Variants in WDR93 observed in about 807,000 individuals in gnomAD.
The protein encoded by WDR93 is WD repeat-containing protein 93.
A neutral mutation model predicts 82.9 loss-of-function variants in WDR93; 73 were observed. That is an observed-to-expected ratio of 0.88 (90% CI 0.73 to 1.07). The LOEUF is 1.07. Ranked by LOEUF, WDR93 falls within the 50% of genes least tolerant of loss-of-function variation. The pLI is 0.00. For synonymous variants in WDR93, 283 were observed against 300.1 expected (o/e 0.94, Z 0.59); for missense variants, 738 against 826.0 (o/e 0.89, Z 1.31).
At chr15:89,709,869 A>AT (rs1057400167) in intron 4 of WDR93, among the ~76,000 whole-genome samples, 5 of 152,120 alleles carry the variant, frequency 3.3e-5, no homozygotes, top group Admixed American at 1.3e-4. Context: ...ATAAAAAAAA[A>AT]AATAATCAAG....
intron 7 of WDR93, among the ~76,000 whole-genome samples, chr15:89,719,201 C>T (rs1375855485): frequency 6.6e-6 from 1 of 152,144 alleles, no homozygotes; most frequent in Non-Finnish European, 1.5e-5. Flanking sequence ...AGTCCTCTCA[C>T]CTCAGCTTCC....
upstream of WDR93, chr15:89,690,514 G>T (rs948870111): frequency 3.3e-4 from 414 of 1,266,964 alleles, 1 homozygote; most frequent in Non-Finnish European, 4.0e-4. Context: ...CGGGTGCAGG[G>T]GAATAGGCAC....
rs1966763142 is a variant in WDR93, at chr15:89,727,013, T to G, written c.881-144T>G. 14 of 904,880 alleles carry G rather than the reference T, an allele frequency of 1.5e-5. No individual in the cohort carries two copies. In the East Asian group the frequency reaches 3.7e-4, roughly 24 times the overall value. The allele number at this position is 904,880 out of a possible 1,614,324, so 56.1% of individuals were successfully genotyped here. A position where few individuals can be genotyped will look rare whatever the true frequency, so the allele number is the denominator to read the frequency against. ...GGTACAGGAGAGGCCGGGAGAAGAC[T>G]GAATACAGACCAATTGCAGAGCAAG... On this transcript the variant is annotated intron_variant, in intron 8 of 16. Transcript: ENST00000268130.
At chr15:89,719,038 C>A (rs747866737) in intron 7 of WDR93, among the ~76,000 whole-genome samples, 4 of 152,078 alleles carry the variant, frequency 2.6e-5, no homozygotes, top group Non-Finnish European at 2.9e-5. Flanking sequence ...TATATATTTT[C>A]TTATAAACTT....
chr15:89,726,201 T>C (rs1966730715), intron 8 of WDR93, among the ~76,000 whole-genome samples: 2 of 152,220 alleles, frequency 1.3e-5, no homozygotes, highest in South Asian at 2.1e-4. Context: ...GATGGAAGGA[T>C]TGCTTGAACC....
rs563275172 is a variant in WDR93, at chr15:89,716,829, G to T, written c.757-82G>T. The T allele has an allele frequency of 5.1e-6, 5 of 980,764 alleles. No homozygotes were observed. The East Asian group carries it at 1.1e-4, about 21-fold the overall frequency. 60.8% of individuals were successfully genotyped at this position (980,764 alleles called of 1,614,324 possible). A position where few individuals can be genotyped will look rare whatever the true frequency, so the allele number is the denominator to read the frequency against. ...CACTCACAAGAGTAATTGAGGGGAA[G>T]AGAGAGCATGCCAGAAGATTAAAGG... is the stretch of plus-strand genomic sequence containing the variant. On this transcript the variant is annotated intron_variant, in intron 6 of 16. Coordinates refer to ENST00000268130, the MANE Select transcript of WDR93 (RefSeq NM_020212.2).
At chr15:89,738,313 T>G in intron 16 of WDR93, 77 bp downstream of exon 16, 1 of 1,457,564 alleles carries the variant, frequency 6.9e-7, no homozygotes, top group African/African-American at 1.4e-5. Flanking sequence ...GTTTCTTTCA[T>G]GGTAAATCCT....
chr15:89,719,442 CCTT>C (rs1670619190), intron 7 of WDR93, among the ~76,000 whole-genome samples: 2 of 152,176 alleles, frequency 1.3e-5, no homozygotes, highest in Non-Finnish European at 2.9e-5. Flanking sequence ...AGCTTTTGTA[CCTT>C]GTGTCTTTCG....
rs757504280 is a variant in WDR93 at position 89,702,050 on chromosome 15, G to T, written c.303+1G>T. On this transcript the variant is annotated splice_donor_variant, in intron 2 of 16. Coordinates refer to ENST00000268130, the MANE Select transcript of WDR93 (RefSeq NM_020212.2). LOFTEE classifies it high-confidence loss of function. ...CTACCCTCCACTTGGAGAAATCCAGGTATGGAGTAAGCAGTTGACCAGGAG... is the reference window on the plus strand; with the variant it reads ...CTACCCTCCACTTGGAGAAATCCAGTTATGGAGTAAGCAGTTGACCAGGAG... 1.2e-6 allele frequency: 2 copies of T among 1,606,070 alleles called. No individual in the cohort carries two copies. Among genetic ancestry groups the T allele is most frequent in the East Asian group, 2.2e-5 (1 of 44,712 alleles).
chr15:89,714,941 C>G (rs2141638512), intron 5 of WDR93, 39 bp from the exon 6 acceptor site: 1 of 1,567,114 alleles, frequency 6.4e-7, no homozygotes, highest in South Asian at 1.1e-5. Context: ...TTGTGGCTCT[C>G]TTACAGTTGC....
chr15:89,743,201 A>C, intron 16 of WDR93, 91 bp from the exon 17 acceptor site: 1 of 1,266,660 alleles, frequency 7.9e-7, no homozygotes, highest in Non-Finnish European at 1.1e-6. Flanking sequence ...AGTTTCTCAT[A>C]GGAGCACAGG....
Position 89,743,464 on chromosome 15 carries a change from C to G in WDR93, c.*73C>G. 6.9e-7 allele frequency: 1 copy of G among 1,446,426 alleles called. No homozygotes were observed. The highest frequency in any genetic ancestry group is 1.4e-5 in the African/African-American group (1 of 71,590). The allele number at this position is 1,446,426 out of a possible 1,614,324, so 89.6% of individuals were successfully genotyped here. ...GCAGCTGCTCCCAGGACACTGAGGC[C>G]AAGAGAAATGTAACAGAGCCACAGC... On this transcript the variant is annotated 3_prime_UTR_variant, in exon 17 of 17. Coordinates refer to ENST00000268130, the MANE Select transcript of WDR93 (RefSeq NM_020212.2).
intron 8 of WDR93, among the ~76,000 whole-genome samples, chr15:89,725,913 T>A (rs1361345758): frequency 6.6e-6 from 1 of 152,206 alleles, no homozygotes; most frequent in Non-Finnish European, 1.5e-5. Flanking sequence ...TGCTTTATAA[T>A]AACTCATTAA....
chr15:89,736,629 A>C (rs536715680), intron 14 of WDR93, among the ~76,000 whole-genome samples: 28 of 152,182 alleles, frequency 1.8e-4, no homozygotes, highest in Admixed American at 1.1e-3. Flanking sequence ...AAGTGAGAGC[A>C]GTGTCCTGTG....
In WDR93 at chr15:89,722,038, C is replaced by A; in HGVS notation, c.796-17C>A. ...CTCTTCTCTTGGCTTATTAACTATG[C>A]CTTTTCCTTGTTTTAGGATGCAAAT... On this transcript the variant is annotated splice_polypyrimidine_tract_variant and intron_variant, in intron 7 of 16. Coordinates refer to ENST00000268130, the MANE Select transcript of WDR93 (RefSeq NM_020212.2). 2 of 1,513,186 alleles carry A rather than the reference C, an allele frequency of 1.3e-6. No individual in the cohort carries two copies. The highest frequency in any genetic ancestry group is 1.8e-6 in the Non-Finnish European group (2 of 1,097,398). The allele number at this position is 1,513,186 out of a possible 1,614,324, so 93.7% of individuals were successfully genotyped here. A position where few individuals can be genotyped will look rare whatever the true frequency, so the allele number is the denominator to read the frequency against.
chr15:89,717,298 G>A (rs1452775491), intron 7 of WDR93, among the ~76,000 whole-genome samples: 1 of 152,068 alleles, frequency 6.6e-6, no homozygotes, highest in African/African-American at 2.4e-5. Flanking sequence ...GACCTCAGGT[G>A]ATCTGCCTGC....
intron 7 of WDR93, among the ~76,000 whole-genome samples, chr15:89,720,110 T>G (rs538153203): frequency 3.3e-5 from 5 of 152,228 alleles, no homozygotes; most frequent in Admixed American, 3.3e-4. Context: ...TCTTCTAGTT[T>G]CTTAAGGTAG....
chr15:89,727,050 G>A (rs991647359), intron 8 of WDR93, 107 bp from the exon 9 acceptor site: 13 of 1,297,646 alleles, frequency 1.0e-5, no homozygotes, highest in Admixed American at 2.2e-5. Context: ...ATCGATTTCT[G>A]AGGCTGAGGG....
upstream of WDR93, chr15:89,690,681 C>T: frequency 1.4e-6 from 2 of 1,397,292 alleles, no homozygotes; most frequent in Non-Finnish European, 9.9e-7. Context: ...GGCGTGGGTC[C>T]TCTGGGGCCC....
Sources: gnomAD v4.1 joint callset for allele counts (sites outside exome capture counted in the v4.1 genomes callset) on GRCh38, gnomAD v4.1.1 for gene constraint, MANE v1.5 for transcripts, NCBI Gene and HGNC (gene_info 2026-07-23, HGNC 2026-07-21) for gene names.